SIRT7: variants seen among roughly 807,000 people sequenced by gnomAD.
SIRT7 encodes sirtuin 7.
A neutral mutation model predicts 42.8 loss-of-function variants in SIRT7; 32 were observed. The ratio of observed to expected loss-of-function variants is 0.75; its 90% CI spans 0.56 to 1.00. The LOEUF is 1.00. Ranked by LOEUF, SIRT7 falls within the 50% of genes least tolerant of loss-of-function variation. The pLI, the probability that SIRT7 is intolerant of heterozygous loss-of-function variation, is 0.00. For missense variants in SIRT7, 553 were observed against 572.2 expected (o/e 0.97, Z 0.34); for synonymous variants, 297 against 245.2 (o/e 1.21, Z -1.97).
intron 9 of SIRT7, 76 bp from the exon 10 acceptor site, chr17:81,912,690 T>C: frequency 6.8e-7 from 1 of 1,475,302 alleles, no homozygotes; most frequent in Non-Finnish European, 9.3e-7. Context: ...TCGGGAAAGC[T>C]GTCTGCGGTC....
chr17:81,917,498 T>G, intron 3 of SIRT7, 117 bp downstream of exon 3: 1 of 885,772 alleles, frequency 1.1e-6, no homozygotes, highest in Non-Finnish European at 1.6e-6. Flanking sequence ...CTTAGGTAAG[T>G]TTTGGTCATT....
chr17:81,915,959 G>A (rs191442222), intron 3 of SIRT7: 34 of 458,976 alleles, frequency 7.4e-5, no homozygotes, highest in South Asian at 1.6e-4. Context: ...CTCTGGCACC[G>A]AGCACAAAGC....
In SIRT7 at chr17:81,913,454, C is replaced by T. The variant is rs142999341; in HGVS notation, c.1004+320G>A. 50 of 441,680 alleles carry T rather than the reference C, an allele frequency of 1.1e-4. No homozygotes were observed. In the East Asian group the frequency reaches 2.2e-3, roughly 19 times the overall value. The allele number at this position is 441,680 out of a possible 1,614,324, so 27.4% of individuals were successfully genotyped here. Reference sequence around the variant, plus strand: ...ACAGATTCTGTCTGACCAGAGCTGCCGAGTGCTCGTCCCCTCCAGATGCTT... The same window carrying T: ...ACAGATTCTGTCTGACCAGAGCTGCTGAGTGCTCGTCCCCTCCAGATGCTT... On this transcript the variant is annotated intron_variant, in intron 9 of 9. Coordinates refer to ENST00000328666, the MANE Select transcript of SIRT7 (RefSeq NM_016538.3). This position sits in a 1 kb window ranked among gnomAD's most constrained non-coding sequence, Gnocchi z 5.0.
rs199653635 is a variant in SIRT7 at position 81,915,459 on chromosome 17, C to T, written c.461G>A (p.Arg154His). ...EPTLTHMSIT[R>H]LHEQKLVQHV... The stretch of plus-strand genomic sequence containing the variant: ...TCTTACCAGCTTCTGCTCATGCAGA[C>T]GGGTGATGCTCATGTGGGTGAGGGT... The change falls in exon 5 of 10, where the codon CGT becomes CAT. Residue 154 changes from arginine (R) to histidine (H), a missense_variant. Coordinates refer to ENST00000328666, the MANE Select transcript of SIRT7 (RefSeq NM_016538.3). 19 of 1,613,316 alleles carry T rather than the reference C, an allele frequency of 1.2e-5. No homozygotes were observed. The highest frequency in any genetic ancestry group is 1.7e-5 in the Admixed American group (1 of 59,934).
In SIRT7 at chr17:81,914,494, G is replaced by C; in HGVS notation, c.616C>G (p.Arg206Gly). The C allele has an allele frequency of 6.2e-7, 1 of 1,613,172 alleles. No individual in the cohort carries two copies. Among genetic ancestry groups the C allele is most frequent in the Non-Finnish European group, 8.5e-7 (1 of 1,180,012 alleles). The change falls in exon 7 of 10, where the codon CGG becomes GGG. Residue 206 changes from arginine (R) to glycine (G), a missense_variant. Arg to Gly is a moderately radical substitution (Grantham distance 125). Transcript: ENST00000328666. ...TSCVPNREYVRVFDVTERTAL... is the reference protein window; with the variant it reads ...TSCVPNREYVGVFDVTERTAL... ...GTGCGCTCCGTCACATCGAACACCCGCACGTACTCCCTGTTGGGAACGCAG... is the reference window on the plus strand; with the variant it reads ...GTGCGCTCCGTCACATCGAACACCCCCACGTACTCCCTGTTGGGAACGCAG...
At chr17:81,912,892 C>G (rs2040713457) in intron 9 of SIRT7, 1 of 515,326 alleles carries the variant, frequency 1.9e-6, no homozygotes, top group East Asian at 3.6e-5. Context: ...GCGGCGTGCA[C>G]ACACAGGGTG....
At chr17:81,914,731 G>A (rs940671755) in intron 5 of SIRT7, 29 bp from the exon 6 acceptor site, 1 of 1,582,578 alleles carries the variant, frequency 6.3e-7, no homozygotes, top group African/African-American at 1.3e-5. Context: ...GGCAAGGGGA[G>A]GGATGGCTGC....
chr17:81,915,515 G>A lies in SIRT7; in HGVS notation c.408-3C>T. 6.2e-7 allele frequency: 1 copy of A among 1,613,586 alleles called. No homozygotes were observed. Among genetic ancestry groups the A allele is most frequent in the East Asian group, 2.2e-5 (1 of 44,880 alleles). On this transcript the variant is annotated splice_region_variant and splice_polypyrimidine_tract_variant and intron_variant, in intron 4 of 9. Coordinates refer to ENST00000328666, the MANE Select transcript of SIRT7 (RefSeq NM_016538.3). ...CGGCCTCGCTCAGGTCGGCAGCACTGCCAGGCAGAAAGGAAGGCAAGGTGA... is the reference window on the plus strand; with the variant it reads ...CGGCCTCGCTCAGGTCGGCAGCACTACCAGGCAGAAAGGAAGGCAAGGTGA...
chr17:81,918,162 C>T lies in SIRT7; in HGVS notation c.-31G>A. Reference sequence around the variant, plus strand: ...CCCTGGAGACCTGCTCTTCCGCTTCCGCCTCACACGGCAGGCCGCGCTCAG... The same window carrying T: ...CCCTGGAGACCTGCTCTTCCGCTTCTGCCTCACACGGCAGGCCGCGCTCAG... On this transcript the variant is annotated 5_prime_UTR_variant, in exon 1 of 10. Coordinates refer to ENST00000328666, the MANE Select transcript of SIRT7 (RefSeq NM_016538.3). 2 of 1,532,804 alleles carry T rather than the reference C, an allele frequency of 1.3e-6. No individual in the cohort carries two copies. Among genetic ancestry groups the T allele is most frequent in the East Asian group, 2.6e-5 (1 of 38,220 alleles). The allele number at this position is 1,532,804 out of a possible 1,614,324, so 95.0% of individuals were successfully genotyped here. A position where few individuals can be genotyped will look rare whatever the true frequency, so the allele number is the denominator to read the frequency against.
chr17:81,915,397 T>G (rs2040776078), intron 5 of SIRT7, 43 bp downstream of exon 5: 3 of 1,591,794 alleles, frequency 1.9e-6, no homozygotes, highest in African/African-American at 1.3e-5. Context: ...CAAGGTGCTC[T>G]GCCTGGTCCC....
At chr17:81,915,343 A>C in intron 5 of SIRT7, 97 bp downstream of exon 5, 2 of 1,380,444 alleles carry the variant, frequency 1.4e-6, no homozygotes, top group Non-Finnish European at 2.0e-6. Context: ...ATGGGAGTCA[A>C]CTGGCAGACA....
In SIRT7 at chr17:81,912,427, TCTTC is replaced by T. The variant is rs2040689748; in HGVS notation, c.1188_1191del (p.Lys398Ter). The T allele has an allele frequency of 6.2e-7, 1 of 1,614,070 alleles. No homozygotes were observed. The highest frequency in any genetic ancestry group is 8.5e-7 in the Non-Finnish European group (1 of 1,180,020). ...CATCGAGCACGTGATTACGTCACTT[TCTTC>T]CTTTTTGTGCGTTTTGTGCAGCCCC... On this transcript the variant is annotated frameshift_variant, in exon 10 of 10. Transcript: ENST00000328666. LOFTEE classifies it high-confidence loss of function.
rs1017306288 is a variant in SIRT7, at chr17:81,917,972, G to A, written c.94-5C>T. On this transcript the variant is annotated splice_region_variant and splice_polypyrimidine_tract_variant and intron_variant, in intron 1 of 9. Coordinates refer to ENST00000328666, the MANE Select transcript of SIRT7 (RefSeq NM_016538.3). Reference sequence around the variant, plus strand: ...CTTCCTCAGGATGCGCGACACCTGCGGGCAGGCGGACGGTGAGCGGCGGCG... The same window carrying A: ...CTTCCTCAGGATGCGCGACACCTGCAGGCAGGCGGACGGTGAGCGGCGGCG... 5 of 1,340,102 alleles carry A rather than the reference G, an allele frequency of 3.7e-6. No individual in the cohort carries two copies. The highest frequency in any genetic ancestry group is 1.5e-5 in the African/African-American group (1 of 65,056). 83.0% of individuals were successfully genotyped at this position (1,340,102 alleles called of 1,614,324 possible).
chr17:81,914,289 C>T lies in SIRT7; in HGVS notation c.816+5G>A, dbSNP rs200616111. 4.2e-4 allele frequency: 675 copies of T among 1,613,042 alleles called. 1 individual carries two copies. The highest frequency in any genetic ancestry group is 1.6e-3 in the Middle Eastern group (10 of 6,062). On this transcript the variant is annotated splice_donor_5th_base_variant and intron_variant, in intron 7 of 9. Transcript: ENST00000328666. The stretch of plus-strand genomic sequence containing the variant: ...CGGTTCACTCATTGTGTCATCGGCA[C>T]GTACCTTCAGGCTGGACCCTAGACA...
rs1175917835 is a variant in SIRT7, at chr17:81,913,992, C to T, written c.897+95G>A. On this transcript the variant is annotated intron_variant, in intron 8 of 9. Coordinates refer to ENST00000328666, the MANE Select transcript of SIRT7 (RefSeq NM_016538.3). The surrounding 1 kb of genome is among the most constrained non-coding windows in gnomAD (Gnocchi z 5.0). Reference sequence around the variant, plus strand: ...GTGCTCCCTGAGCACCCACGGGGGCCCTATCAGACCGCCCTGGTGCATGGG... The same window carrying T: ...GTGCTCCCTGAGCACCCACGGGGGCTCTATCAGACCGCCCTGGTGCATGGG... The T allele has an allele frequency of 3.2e-6, 5 of 1,560,948 alleles. No homozygotes were observed. The highest frequency in any genetic ancestry group is 4.4e-6 in the Non-Finnish European group (5 of 1,139,662).
Position 81,913,776 on chromosome 17 carries a change from G to A in SIRT7, c.1002C>T (p.Ser334=), listed in dbSNP as rs1437370120. Residue 334 remains serine, a splice_region_variant and synonymous_variant, in exon 9 of 10, where the codon AGC becomes AGT. Transcript: ENST00000328666. This position sits in a 1 kb window ranked among gnomAD's most constrained non-coding sequence, Gnocchi z 5.0. ...AELGLEIPAY[S]RWQDPIFSLA... is the part of the protein sequence containing the mutation. ...GGCTGCTGCAGCGGCTCACTCACCT[G>A]CTATAGGCGGGGATCTCCAAGCCCA... 6.5e-7 allele frequency: 1 copy of A among 1,548,632 alleles called. No individual in the cohort carries two copies. Among genetic ancestry groups the A allele is most frequent in the Non-Finnish European group, 8.7e-7 (1 of 1,146,734 alleles).
At chr17:81,915,067 G>A (rs1327333730) in intron 5 of SIRT7, 1 of 483,988 alleles carries the variant, frequency 2.1e-6, no homozygotes, top group Non-Finnish European at 3.8e-6. Context: ...GGGGACCTAG[G>A]CAGATCAACC....
rs1294721208 is a variant in SIRT7 at position 81,912,455 on chromosome 17, C to T, written c.1164G>A (p.Arg388=). Residue 388 remains arginine, a synonymous_variant, in exon 10 of 10, where the codon AGG becomes AGA. Transcript: ENST00000328666. ...SAPILGGWFG[R]GCTKRTKRKK... is the part of the protein sequence containing the mutation. ...TCCTTTTTGTGCGTTTTGTGCAGCC[C>T]CTGCCAAACCAGCCCCCTAGGATGG... 6.2e-7 allele frequency: 1 copy of T among 1,613,910 alleles called. No individual in the cohort carries two copies. Among genetic ancestry groups the T allele is most frequent in the African/African-American group, 1.3e-5 (1 of 74,926 alleles).
At chr17:81,917,075 C>G (rs2040818561) in intron 3 of SIRT7, 1 of 152,298 alleles carries the variant, frequency 6.6e-6, no homozygotes, top group South Asian at 2.1e-4. Context: ...ATGCCTGATC[C>G]TTGTCACCTA....
Sources: gnomAD v4.1 joint callset for allele counts on GRCh38, gnomAD v4.1.1 for gene constraint, Gnocchi (gnomAD v3.1) non-coding constraint, MANE v1.5 for transcripts, NCBI Gene and HGNC (gene_info 2026-07-23, HGNC 2026-07-21) for gene names.